TMED3: variants seen among roughly 807,000 people sequenced by gnomAD.
The protein encoded by TMED3 is transmembrane emp24 domain-containing protein 3.
Under a neutral mutation model 15.0 loss-of-function variants are expected in TMED3, and 9 were observed. That is an observed-to-expected ratio of 0.60 (90% CI 0.36 to 1.04). TMED3 has a LOEUF of 1.04. TMED3 is among the 50% of genes least tolerant of loss of function. The probability of loss-of-function intolerance (pLI) is 0.01; values close to 1 mark genes in which losing one functional copy is unlikely to be tolerated. For missense variants in TMED3, 267 were observed against 278.9 expected (o/e 0.96, Z 0.30); for synonymous variants, 117 against 121.4 (o/e 0.96, Z 0.24).
intron 2 of TMED3, among the ~76,000 whole-genome samples, chr15:79,411,022 A>T (rs1450384582): frequency 6.6e-6 from 1 of 152,240 alleles, no homozygotes; most frequent in Non-Finnish European, 1.5e-5. Flanking sequence ...CTGGTTGCTC[A>T]TAATTAGCAA....
chr15:79,354,526 G>T (rs555552970), intron 2 of TMED3, among the ~76,000 whole-genome samples: 1 of 152,050 alleles, frequency 6.6e-6, no homozygotes, highest in East Asian at 1.9e-4. Flanking sequence ...GCTGATAACA[G>T]GTTCTTAGCC....
intron 2 of TMED3, among the ~76,000 whole-genome samples, chr15:79,378,222 A>C (rs771161992): frequency 6.6e-6 from 1 of 152,250 alleles, no homozygotes; most frequent in Non-Finnish European, 1.5e-5. Flanking sequence ...ATTTATTAAA[A>C]GCAACAGAGA....
At chr15:79,397,839 G>A (rs1008363350) in intron 2 of TMED3, among the ~76,000 whole-genome samples, 3 of 152,102 alleles carry the variant, frequency 2.0e-5, no homozygotes, top group Non-Finnish European at 4.4e-5. Context: ...ATTTTTTAGA[G>A]CAGTTTTAGG....
chr15:79,413,795 G>C (rs577322296), exon 3 of TMED3: 1 of 152,166 alleles, frequency 6.6e-6, no homozygotes, highest in Non-Finnish European at 1.5e-5. Flanking sequence ...TACCAACCTC[G>C]TCATGACTGT....
intron 2 of TMED3, among the ~76,000 whole-genome samples, chr15:79,377,961 T>C (rs1403222197): frequency 9.2e-5 from 14 of 152,228 alleles, no homozygotes; most frequent in Admixed American, 9.2e-4. Flanking sequence ...AACTGTTCTA[T>C]AATGTTAAAA....
At chr15:79,374,113 T>A (rs10851919) in intron 2 of TMED3, among the ~76,000 whole-genome samples, 59,593 of 152,032 alleles carry the variant, frequency 0.39, 13,466 homozygotes, top group Middle Eastern at 0.64. Flanking sequence ...AGAATGTAAA[T>A]TTTCCCCAGT....
intron 2 of TMED3, among the ~76,000 whole-genome samples, chr15:79,338,721 G>T (rs1253418511): frequency 2.0e-5 from 3 of 151,960 alleles, no homozygotes; most frequent in Non-Finnish European, 4.4e-5. Context: ...GAGCTGAGGG[G>T]ACATAGTGAG....
intron 2 of TMED3, among the ~76,000 whole-genome samples, chr15:79,335,412 G>GA (rs1368181823): frequency 6.6e-6 from 1 of 152,162 alleles, no homozygotes; most frequent in Non-Finnish European, 1.5e-5. Context: ...CATTTACTGG[G>GA]ATAAGACCCT....
At chr15:79,406,073 A>G (rs1439010853) in intron 2 of TMED3, among the ~76,000 whole-genome samples, 1 of 152,222 alleles carries the variant, frequency 6.6e-6, no homozygotes, top group Non-Finnish European at 1.5e-5. Context: ...ACCATCATCT[A>G]CTATATCTAT....
downstream of TMED3, among the ~76,000 whole-genome samples, chr15:79,325,647 C>G (rs1432969403): frequency 1.3e-5 from 2 of 152,056 alleles, no homozygotes; most frequent in Non-Finnish European, 2.9e-5. Context: ...AGCTGAGGAG[C>G]AAGGAAGCCA....
chr15:79,375,355 G>A (rs551327984), intron 2 of TMED3, among the ~76,000 whole-genome samples: 1 of 152,230 alleles, frequency 6.6e-6, no homozygotes, highest in South Asian at 2.1e-4. Context: ...TACTCCCAGG[G>A]ACTTCCTCTG....
intron 2 of TMED3, among the ~76,000 whole-genome samples, chr15:79,386,428 A>C (rs767579279): frequency 2.0e-5 from 3 of 152,176 alleles, no homozygotes; most frequent in African/African-American, 7.2e-5. Flanking sequence ...ATGTTATTAT[A>C]TGCTACATTG....
At chr15:79,319,692 A>T (rs989166566) in intron 2 of TMED3, among the ~76,000 whole-genome samples, 1 of 152,162 alleles carries the variant, frequency 6.6e-6, no homozygotes, top group Non-Finnish European at 1.5e-5. Flanking sequence ...TATTGGATAC[A>T]AGACAAAGGG....
chr15:79,351,119 T>C (rs2058889654), intron 2 of TMED3, among the ~76,000 whole-genome samples: 3 of 152,212 alleles, frequency 2.0e-5, no homozygotes, highest in Admixed American at 6.5e-5. Flanking sequence ...AAAAGTCCTA[T>C]CATTCTTTAA....
chr15:79,341,219 G>A (rs1246815692), intron 2 of TMED3, among the ~76,000 whole-genome samples: 1 of 39,624 alleles, frequency 2.5e-5, no homozygotes, highest in South Asian at 1.6e-3. Flanking sequence ...AAAAAAAAAA[G>A]GTGAAGAAAG....
chr15:79,332,973 C>T (rs2058814827), intron 2 of TMED3, among the ~76,000 whole-genome samples: 1 of 152,234 alleles, frequency 6.6e-6, no homozygotes, highest in Non-Finnish European at 1.5e-5. Flanking sequence ...GAATGAATGG[C>T]CCCTGACTGC....
exon 3 of TMED3, chr15:79,412,727 T>A (rs749220166): frequency 1.3e-5 from 2 of 152,368 alleles, no homozygotes; most frequent in Non-Finnish European, 2.9e-5. Context: ...CCTGCTGCGC[T>A]GCCACTGCCA....
At chr15:79,328,492 C>G (rs534293225) in intron 2 of TMED3, among the ~76,000 whole-genome samples, 6 of 152,284 alleles carry the variant, frequency 3.9e-5, no homozygotes, top group Admixed American at 2.6e-4. Context: ...ACCTGGGACG[C>G]GACCTTTGGT....
intron 2 of TMED3, among the ~76,000 whole-genome samples, chr15:79,332,863 C>T (rs1263116887): frequency 2.0e-5 from 3 of 152,152 alleles, no homozygotes; most frequent in Non-Finnish European, 4.4e-5. Context: ...AGCAATTTAA[C>T]TTCGTCATTT....
Sources: gnomAD v4.1 joint callset for allele counts (sites outside exome capture counted in the v4.1 genomes callset) on GRCh38, gnomAD v4.1.1 for gene constraint, MANE v1.5 for transcripts, NCBI Gene and HGNC (gene_info 2026-07-23, HGNC 2026-07-21) for gene names.